COL17A1: variants seen among roughly 807,000 people sequenced by gnomAD.
COL17A1 encodes the protein collagen alpha-1(XVII) chain.
Under a neutral mutation model 218.4 loss-of-function variants are expected in COL17A1, and 181 were observed. The ratio of observed to expected loss-of-function variants is 0.83; its 90% CI spans 0.73 to 0.94. The LOEUF is 0.94. COL17A1 is among the 40% of genes least tolerant of loss of function. COL17A1 has a pLI of 0.00. For synonymous variants in COL17A1, 721 were observed against 731.0 expected, an observed-to-expected ratio of 0.99 and a Z score of 0.22; for missense variants, 1,924 against 1,945.9, an observed-to-expected ratio of 0.99 and a Z score of 0.21.
chr10:104,068,858 G>A (rs905938451), intron 9 of COL17A1, among the ~76,000 whole-genome samples: 2 of 152,144 alleles, frequency 1.3e-5, no homozygotes, highest in Non-Finnish European at 2.9e-5. Flanking sequence ...TTTCTAAAAA[G>A]GAGGAGGAAG....
chr10:104,072,048 C>T lies in COL17A1; in HGVS notation c.447G>A (p.Ala149=), dbSNP rs747535202. The T allele has an allele frequency of 1.4e-5, 23 of 1,613,922 alleles. No homozygotes were observed. Among genetic ancestry groups the T allele is most frequent in the Middle Eastern group, 1.6e-4 (1 of 6,084 alleles). The change falls in exon 8 of 56, where the codon GCG becomes GCA. Residue 149 remains alanine (A), a synonymous_variant. Coordinates refer to ENST00000648076, the MANE Select transcript of COL17A1 (RefSeq NM_000494.4). ...ESEIRVRLQS[A]SPSTRWTELD... ...ACCACTTACATCGGGTGGATGGGGA[C>T]GCACTCTGCAGTCGAACTCGAATTT...
At position 104,048,843 on chromosome 10, in the gene COL17A1, G is replaced by GT. The variant is rs1438696823; in HGVS notation, c.2227+565dup. Reference sequence around the variant, plus strand: ...CTCAACATGGTCTTTTTTTTTTTTGGTTTTTTTTTGAGAGATGAATTCTTG... The same window carrying GT: ...CTCAACATGGTCTTTTTTTTTTTTGGTTTTTTTTTTGAGAGATGAATTCTTG... On this transcript the variant is annotated intron_variant, in intron 29 of 55. Coordinates refer to ENST00000648076, the MANE Select transcript of COL17A1 (RefSeq NM_000494.4). 2.1e-3 allele frequency among the ~76,000 whole-genome samples: 319 copies of GT among 148,730 alleles called. 1 individual carries two copies. The highest frequency in any genetic ancestry group is 6.3e-3 in the African/African-American group (250 of 39,942).
chr10:104,050,932 T>A, intron 25 of COL17A1, 31 bp from the exon 26 acceptor site: 1 of 1,613,998 alleles, frequency 6.2e-7, no homozygotes, highest in Non-Finnish European at 8.5e-7. Flanking sequence ...TGCACACAGA[T>A]GAGTATCCCT....
chr10:104,032,229 G>A lies in COL17A1; in HGVS notation c.*6C>T. The A allele has an allele frequency of 1.2e-6, 2 of 1,612,628 alleles. No homozygotes were observed. The highest frequency in any genetic ancestry group is 1.1e-5 in the South Asian group (1 of 91,044). On this transcript the variant is annotated 3_prime_UTR_variant, in exon 56 of 56. Coordinates refer to ENST00000648076, the MANE Select transcript of COL17A1 (RefSeq NM_000494.4). ...CTGGTCCAGGAGCTGTCCTGCCATG[G>A]CTAGCTCACGGCTTGACAGCAATAC...
At chr10:104,056,882 G>C in intron 17 of COL17A1, 93 bp downstream of exon 17, 2 of 1,544,358 alleles carry the variant, frequency 1.3e-6, no homozygotes, top group South Asian at 1.2e-5. Context: ...CCCCTAACAC[G>C]TGGGCCCATT....
Position 104,053,075 on chromosome 10 carries a change from C to A in COL17A1, c.1895G>T (p.Arg632Leu). ...QRGREGPMGPRGEAGPPGSGE... is the reference protein window; with the variant it reads ...QRGREGPMGPLGEAGPPGSGE... Reference sequence around the variant, plus strand: ...AGATCCAGGAGGCCCTGCCTCACCACGAGGTCCCATGGGGCCTTCTCGCCC... The same window carrying A: ...AGATCCAGGAGGCCCTGCCTCACCAAGAGGTCCCATGGGGCCTTCTCGCCC... The change falls in exon 23 of 56, where the codon CGT becomes CTT. Residue 632 changes from arginine to leucine, a missense_variant. By Grantham distance (102) the Arg-to-Leu change is moderately radical. Transcript: ENST00000648076. 2 of 1,614,110 alleles carry A rather than the reference C, an allele frequency of 1.2e-6. No individual in the cohort carries two copies. The highest frequency in any genetic ancestry group is 1.7e-6 in the Non-Finnish European group (2 of 1,180,038).
At chr10:104,044,053 G>A (rs954172529) in intron 33 of COL17A1, among the ~76,000 whole-genome samples, 193 bp from the exon 34 acceptor site, 7 of 152,240 alleles carry the variant, frequency 4.6e-5, no homozygotes, top group African/African-American at 1.7e-4. Flanking sequence ...CAGAGTCCCT[G>A]GAGGCCAGAG....
At position 104,060,105 on chromosome 10, in the gene COL17A1, A is replaced by G. The variant is rs763062462; in HGVS notation, c.1141+14T>C. The G allele has an allele frequency of 6.2e-7, 1 of 1,613,830 alleles. No homozygotes were observed. The highest frequency in any genetic ancestry group is 1.3e-5 in the African/African-American group (1 of 74,926). On this transcript the variant is annotated intron_variant, in intron 14 of 55. Transcript: ENST00000648076. Reference sequence around the variant, plus strand: ...CTTTCTTCTGAAACCCAAGCCACACAGGATCTGACGCACTTGCAGCGATGC... The same window carrying G: ...CTTTCTTCTGAAACCCAAGCCACACGGGATCTGACGCACTTGCAGCGATGC...
rs1564679305 is a variant in COL17A1 at position 104,055,862 on chromosome 10, T to C, written c.1607A>G (p.Asp536Gly). 6.2e-7 allele frequency: 1 copy of C among 1,614,200 alleles called. No individual in the cohort carries two copies. The highest frequency in any genetic ancestry group is 8.5e-7 in the Non-Finnish European group (1 of 1,180,038). The stretch of plus-strand genomic sequence containing the variant: ...GCTGTCACTGTGCAGCCCAATTTTG[T>C]CCAGGTCTGCTCCCGCCGCGGGTGC... ...GMAPAAGADL[D>G]KIGLHSDSQE... The change falls in exon 18 of 56, where the codon GAC becomes GGC. Residue 536 changes from aspartate to glycine, a missense_variant. By Grantham distance (94) the Asp-to-Gly change is moderately conservative (BLOSUM62 -1). Coordinates refer to ENST00000648076, the MANE Select transcript of COL17A1 (RefSeq NM_000494.4).
At chr10:104,072,471 C>T (rs1239805125) in intron 7 of COL17A1, among the ~76,000 whole-genome samples, 2 of 152,210 alleles carry the variant, frequency 1.3e-5, no homozygotes, top group Non-Finnish European at 2.9e-5. Context: ...TGTTTACTTG[C>T]CATTTTGGCC....
At chr10:104,046,892 G>A in intron 31 of COL17A1, 119 bp from the exon 32 acceptor site, 1 of 906,158 alleles carries the variant, frequency 1.1e-6, no homozygotes, top group Non-Finnish European at 1.8e-6. Context: ...GGTACAGAAG[G>A]ACACGTCTCA....
chr10:104,057,262 G>A, intron 16 of COL17A1, 90 bp from the exon 17 acceptor site: 2 of 1,601,054 alleles, frequency 1.2e-6, no homozygotes, highest in Non-Finnish European at 1.7e-6. Flanking sequence ...TTTCTGGCCT[G>A]AGTGACTACG....
chr10:104,038,623 T>A, intron 44 of COL17A1, 95 bp from the exon 45 acceptor site: 2 of 1,496,508 alleles, frequency 1.3e-6, no homozygotes, highest in Non-Finnish European at 1.8e-6. Flanking sequence ...GGAGGGAGGG[T>A]CTTCTCAGGA....
At chr10:104,062,651 T>C (rs955458794) in intron 11 of COL17A1, among the ~76,000 whole-genome samples, 3 of 152,230 alleles carry the variant, frequency 2.0e-5, no homozygotes, top group Admixed American at 2.0e-4. Context: ...GTTCCCTGTT[T>C]CCTGTGACAC....
chr10:104,046,653 A>T, intron 32 of COL17A1, 94 bp downstream of exon 32: 1 of 1,244,644 alleles, frequency 8.0e-7, no homozygotes, highest in African/African-American at 1.5e-5. Flanking sequence ...GGTGGAGGAG[A>T]GGAAACTCTG....
rs750607946 is a variant in COL17A1 at position 104,041,453 on chromosome 10, C to T, written c.2605+32G>A. ...CATTGAATCTCCTGTCCCCCAAACT[C>T]CCCACCTTCCAAAGGTCTCCAAGAT... On this transcript the variant is annotated intron_variant, in intron 37 of 55. Transcript: ENST00000648076. 1.5e-5 allele frequency: 24 copies of T among 1,607,820 alleles called. No homozygotes were observed. In the East Asian group the frequency reaches 5.4e-4, roughly 36 times the overall value.
intron 15 of COL17A1, 31 bp downstream of exon 15, chr10:104,059,607 C>A: frequency 6.3e-7 from 1 of 1,598,534 alleles, no homozygotes; most frequent in South Asian, 1.1e-5. Context: ...TGGCTGAAGT[C>A]AAGGTGGACA....
intron 4 of COL17A1, among the ~76,000 whole-genome samples, chr10:104,077,083 G>A (rs1291386909): frequency 6.6e-6 from 1 of 152,102 alleles, no homozygotes; most frequent in Non-Finnish European, 1.5e-5. Context: ...TGGCTTAAAG[G>A]GAGTGATTTA....
chr10:104,074,948 C>A (rs2086697553), intron 5 of COL17A1, among the ~76,000 whole-genome samples: 1 of 152,198 alleles, frequency 6.6e-6, no homozygotes, highest in Non-Finnish European at 1.5e-5. Context: ...ACTCCAGGAA[C>A]CTTAGTAATG....
Sources: allele counts gnomAD v4.1 joint callset (sites outside exome capture counted in the v4.1 genomes callset), GRCh38; gene constraint gnomAD v4.1.1; transcripts MANE v1.5; gene names NCBI Gene and HGNC (gene_info 2026-07-23, HGNC 2026-07-21).